The following STARD13 variants were observed in gnomAD, a reference collection of about 807,000 sequenced individuals.
The protein encoded by STARD13 is stAR-related lipid transfer protein 13.
STARD13 carries 62 observed loss-of-function variants against 106.4 expected under a neutral mutation model. The observed-to-expected ratio is 0.58, with a 90% confidence interval of 0.48 to 0.72. The LOEUF (loss-of-function observed/expected upper bound fraction) is 0.72. Ranked by LOEUF, STARD13 falls within the 30% of genes least tolerant of loss-of-function variation. STARD13 has a pLI of 0.00. For synonymous variants in STARD13, 565 were observed against 553.0 expected (o/e 1.02, Z -0.31); for missense variants, 1,387 against 1,424.0 (o/e 0.97, Z 0.42).
the STARD13 span, among the ~76,000 whole-genome samples, chr13:33,376,111 G>C: frequency 9.7e-4 from 147 of 151,860 alleles, 1 homozygote; most frequent in Admixed American, 3.7e-3. Context: ...ATATGGTTTT[G>C]ACCATATTAC....
At chr13:33,608,579 C>G in the STARD13 span, among the ~76,000 whole-genome samples, 1 of 152,050 alleles carries the variant, frequency 6.6e-6, no homozygotes, top group Admixed American at 6.5e-5. Context: ...AATAGGGAAA[C>G]AATATGACAG....
At chr13:33,624,997 C>T in the STARD13 span, among the ~76,000 whole-genome samples, 1,358 of 152,262 alleles carry the variant, frequency 8.9e-3, 27 homozygotes, top group African/African-American at 0.031. Flanking sequence ...TGGGGTACCT[C>T]GGAAGCAGTG....
At chr13:33,420,137 C>T in the STARD13 span, among the ~76,000 whole-genome samples, 3 of 152,124 alleles carry the variant, frequency 2.0e-5, no homozygotes, top group African/African-American at 4.8e-5. Flanking sequence ...ACTAACTGCC[C>T]CATTTAAAAG....
In STARD13 at chr13:33,132,998, T is replaced by C. The variant is rs1388582349; in HGVS notation, c.388-2709A>G. Among the ~76,000 whole-genome samples the C allele has an allele frequency of 2.0e-5, 3 of 152,226 alleles. No homozygotes were observed. The East Asian group carries it at 5.8e-4, about 29-fold the overall frequency. The stretch of plus-strand genomic sequence containing the variant: ...ATTTTTGTATTGCATTTTAGGAAGC[T>C]AGTGAGAAGTTGATATTAAATAAGG... On this transcript the variant is annotated intron_variant, in intron 4 of 13. Coordinates refer to ENST00000336934, the MANE Select transcript of STARD13 (RefSeq NM_178006.4).
Position 33,285,377 on chromosome 13 carries a change from G to A in STARD13, c.169+93C>T, listed in dbSNP as rs1379947177. On this transcript the variant is annotated intron_variant, in intron 1 of 13. Transcript: ENST00000336934. ...GGCATAGAAATCCATATGTTATAAA[G>A]TGGAAACAAACAAACAAAAAAAACT... 3.3e-5 allele frequency: 44 copies of A among 1,337,574 alleles called. No homozygotes were observed. The Admixed American group carries it at 9.7e-4, about 29-fold the overall frequency. 82.9% of individuals were successfully genotyped at this position (1,337,574 alleles called of 1,614,324 possible). A position where few individuals can be genotyped will look rare whatever the true frequency, so the allele number is the denominator to read the frequency against.
intron 1 of STARD13, among the ~76,000 whole-genome samples, chr13:33,214,608 A>G (rs1235798525): frequency 2.0e-5 from 3 of 152,048 alleles, no homozygotes; most frequent in Non-Finnish European, 2.9e-5. Flanking sequence ...AGAACTTATT[A>G]AAGACCTTAG....
Position 33,129,110 on chromosome 13 carries a change from A to C in STARD13, c.1567T>G (p.Leu523Val). 6.2e-7 allele frequency: 1 copy of C among 1,614,182 alleles called. No homozygotes were observed. Among genetic ancestry groups the C allele is most frequent in the Non-Finnish European group, 8.5e-7 (1 of 1,180,032 alleles). ...TGATTAGGAGATGGAAAGGTGGATA[A>C]GCCAGGTTCCCCAACCAATGTATCA... Reference protein sequence around the residue: ...THDTLVGEPGLSTFPSPNQIT... With the variant: ...THDTLVGEPGVSTFPSPNQIT... The change falls in exon 5 of 14, where the codon TTA becomes GTA. Residue 523 changes from leucine to valine, a missense_variant. Coordinates refer to ENST00000336934, the MANE Select transcript of STARD13 (RefSeq NM_178006.4).
At chr13:33,601,126 G>A in the STARD13 span, among the ~76,000 whole-genome samples, 15,444 of 152,060 alleles carry the variant, frequency 0.1, 1,252 homozygotes, top group East Asian at 0.25. Flanking sequence ...AAACATGGTC[G>A]CCCTATGATC....
At chr13:33,249,577 T>C (rs2138279669) in intron 1 of STARD13, among the ~76,000 whole-genome samples, 1 of 152,322 alleles carries the variant, frequency 6.6e-6, no homozygotes, top group East Asian at 1.9e-4. Context: ...GCAACAATCG[T>C]ACAATGCAGA....
At chr13:33,508,573 C>T in the STARD13 span, among the ~76,000 whole-genome samples, 549 of 152,290 alleles carry the variant, frequency 3.6e-3, 8 homozygotes, top group African/African-American at 0.013. Flanking sequence ...CTAACCAATA[C>T]AGTATTTGAT....
chr13:33,148,447 T>C (rs1398908308), intron 3 of STARD13, among the ~76,000 whole-genome samples: 1 of 152,144 alleles, frequency 6.6e-6, no homozygotes, highest in African/African-American at 2.4e-5. Context: ...CTAAAGGAGA[T>C]GAATATATGG....
intron 3 of STARD13, among the ~76,000 whole-genome samples, chr13:33,162,684 G>A (rs770402658): frequency 3.9e-4 from 59 of 152,130 alleles, no homozygotes; most frequent in Admixed American, 7.2e-4. Flanking sequence ...CTTTGCTCCT[G>A]TTCCCAAGAA....
chr13:33,172,846 C>T (rs58957860), intron 1 of STARD13, among the ~76,000 whole-genome samples: 3,033 of 152,200 alleles, frequency 0.02, 99 homozygotes, highest in African/African-American at 0.069. Context: ...TCATTACATA[C>T]GAGCACATGT....
chr13:33,195,578 A>G (rs1886554965), intron 1 of STARD13, among the ~76,000 whole-genome samples: 1 of 152,210 alleles, frequency 6.6e-6, no homozygotes, highest in South Asian at 2.1e-4. Context: ...GAAACCAGCC[A>G]TAACGATGCT....
chr13:33,664,681 C>T, the STARD13 span, among the ~76,000 whole-genome samples: 1 of 152,216 alleles, frequency 6.6e-6, no homozygotes, highest in Non-Finnish European at 1.5e-5. Flanking sequence ...GGCTGGAGTG[C>T]AGTAGCCCAA....
At chr13:33,396,159 T>C in the STARD13 span, among the ~76,000 whole-genome samples, 2 of 152,116 alleles carry the variant, frequency 1.3e-5, no homozygotes, top group Non-Finnish European at 2.9e-5. Flanking sequence ...GCTAATTTTT[T>C]AGTTTTAAAA....
intron 1 of STARD13, among the ~76,000 whole-genome samples, chr13:33,239,213 T>C (rs1382776031): frequency 6.6e-6 from 1 of 152,194 alleles, no homozygotes; most frequent in African/African-American, 2.4e-5. Context: ...GATTTCCTTC[T>C]TTTTTAAGGC....
the STARD13 span, among the ~76,000 whole-genome samples, chr13:33,475,673 G>A: frequency 4.6e-5 from 7 of 152,164 alleles, no homozygotes; most frequent in Middle Eastern, 3.4e-3. Context: ...AATAGGTGAG[G>A]GTAGGCCAGG....
rs557317496 is a variant in STARD13, at chr13:33,204,093, A to G, written c.170-36471T>C. Among the ~76,000 whole-genome samples the G allele has an allele frequency of 4.6e-5, 7 of 152,364 alleles. No individual in the cohort carries two copies. In the South Asian group the frequency reaches 6.2e-4, roughly 14 times the overall value. ...GACTGTTACCTCGGTCCTTGAAATCAATTAAAATCGTCTCCATAAGGTCTG... is the reference window on the plus strand; with the variant it reads ...GACTGTTACCTCGGTCCTTGAAATCGATTAAAATCGTCTCCATAAGGTCTG... On this transcript the variant is annotated intron_variant, in intron 1 of 13. Transcript: ENST00000336934.
Sources: gnomAD v4.1 joint callset for allele counts (sites outside exome capture counted in the v4.1 genomes callset) on GRCh38, gnomAD v4.1.1 for gene constraint, MANE v1.5 for transcripts, NCBI Gene and HGNC (gene_info 2026-07-23, HGNC 2026-07-21) for gene names.